The following KIDINS220 variants were observed in gnomAD, a reference collection of about 807,000 sequenced individuals.
KIDINS220 encodes kinase D-interacting substrate of 220 kDa.
A neutral mutation model predicts 157.6 loss-of-function variants in KIDINS220; 63 were observed. The ratio of observed to expected loss-of-function variants is 0.40; its 90% CI spans 0.33 to 0.49. The LOEUF is 0.49. Ranked by LOEUF, KIDINS220 falls within the 20% of genes least tolerant of loss-of-function variation. The pLI is 0.66. For missense variants in KIDINS220, 1,772 were observed against 2,171.2 expected (o/e 0.82, Z 3.65); for synonymous variants, 732 against 783.6 (o/e 0.93, Z 1.10).
intron 17 of KIDINS220, among the ~76,000 whole-genome samples, chr2:8,783,515 G>A (rs1671983346): frequency 6.6e-6 from 1 of 152,036 alleles, no homozygotes; most frequent in Non-Finnish European, 1.5e-5. Flanking sequence ...AAGGTATGAA[G>A]ACTGGGAAGA....
chr2:8,772,116 C>CCATG (rs992646414), intron 21 of KIDINS220, among the ~76,000 whole-genome samples: 2 of 152,050 alleles, frequency 1.3e-5, no homozygotes, highest in Non-Finnish European at 2.9e-5. Flanking sequence ...AGCAAATGCA[C>CCATG]CATGCATGCA....
intron 1 of KIDINS220, among the ~76,000 whole-genome samples, chr2:8,833,002 T>C (rs1247933899): frequency 6.6e-6 from 1 of 152,192 alleles, no homozygotes; most frequent in Admixed American, 6.5e-5. Flanking sequence ...GTATTTAGGA[T>C]ATCCATCACC....
At chr2:8,792,937 C>T (rs187490377) in intron 12 of KIDINS220, among the ~76,000 whole-genome samples, 15 of 152,100 alleles carry the variant, frequency 9.9e-5, no homozygotes, top group East Asian at 3.9e-4. Flanking sequence ...ACTCAATGTA[C>T]GAAAAATTAT....
intron 1 of KIDINS220, among the ~76,000 whole-genome samples, chr2:8,833,275 C>T (rs1679915143): frequency 6.6e-6 from 1 of 152,118 alleles, no homozygotes; most frequent in African/African-American, 2.4e-5. Context: ...CAATTACATG[C>T]AATGGGATTA....
At chr2:8,735,699 C>T (rs928415632) in intron 27 of KIDINS220, among the ~76,000 whole-genome samples, 2 of 152,118 alleles carry the variant, frequency 1.3e-5, no homozygotes, top group African/African-American at 4.8e-5. Context: ...TATGAAATAG[C>T]TATGTTTATA....
In KIDINS220 at chr2:8,812,472, A is replaced by C; in HGVS notation, c.427T>G (p.Trp143Gly). The change falls in exon 6 of 30, where the codon TGG becomes GGG. Residue 143 changes from tryptophan (W) to glycine (G), a missense_variant. By Grantham distance (184) the Trp-to-Gly change is radical (BLOSUM62 -2). Coordinates refer to ENST00000256707, the MANE Select transcript of KIDINS220 (RefSeq NM_020738.4). ...TCTGCATGGCCTCTCCCTGCTGCCC[A>C]AATGATTGGGTAAACACTGTACTGC... ...TGLYSVYPII[W>G]AAGRGHADIV... is the part of the protein sequence containing the mutation. The C allele has an allele frequency of 1.3e-6, 2 of 1,596,908 alleles. No individual in the cohort carries two copies. The highest frequency in any genetic ancestry group is 1.7e-6 in the Non-Finnish European group (2 of 1,171,380).
At position 8,731,055 on chromosome 2, in the gene KIDINS220, T is replaced by C; in HGVS notation, c.4981A>G (p.Ser1661Gly). 1.2e-6 allele frequency: 2 copies of C among 1,614,232 alleles called. No individual in the cohort carries two copies. The highest frequency in any genetic ancestry group is 1.7e-6 in the Non-Finnish European group (2 of 1,180,036). The change falls in exon 30 of 30, where the codon AGC (serine) becomes GGC (glycine). Residue 1661 changes from serine to glycine, a missense_variant. By Grantham distance (56) the Ser-to-Gly change is moderately conservative. This residue lies in a region of KIDINS220 where 793 missense variants were observed against 885.5 expected (regional missense o/e 0.90). Transcript: ENST00000256707. The surrounding 1 kb of genome is among the most constrained non-coding windows in gnomAD (Gnocchi z 5.2). ...KSPSECSLIA[S>G]SPEENWPACQ... The stretch of plus-strand genomic sequence containing the variant: ...GCAGGCCAGTTTTCTTCAGGGCTGC[T>C]GGCTATCAAGCTGCATTCGGAAGGG...
chr2:8,819,523 A>T (rs1677591753), intron 2 of KIDINS220, among the ~76,000 whole-genome samples: 1 of 152,170 alleles, frequency 6.6e-6, no homozygotes, highest in Non-Finnish European at 1.5e-5. Flanking sequence ...CAGGAAACAG[A>T]TCGGCAAATA....
chr2:8,818,488 T>C (rs766632417), intron 3 of KIDINS220, among the ~76,000 whole-genome samples: 2 of 152,076 alleles, frequency 1.3e-5, no homozygotes, highest in Non-Finnish European at 2.9e-5. Context: ...CTCATCCATA[T>C]AAAAAAACCA....
At chr2:8,816,306 A>T (rs1316317187) in intron 4 of KIDINS220, among the ~76,000 whole-genome samples, 1 of 152,198 alleles carries the variant, frequency 6.6e-6, no homozygotes, top group African/African-American at 2.4e-5. Flanking sequence ...AAGCCTTTGG[A>T]GCAGGGAGAC....
chr2:8,767,666 G>A (rs1040658445), intron 22 of KIDINS220, among the ~76,000 whole-genome samples: 23 of 152,174 alleles, frequency 1.5e-4, no homozygotes, highest in African/African-American at 5.6e-4. Context: ...AAGCAGGTTA[G>A]TGAGAGCTAC....
intron 28 of KIDINS220, 148 bp from the exon 29 acceptor site, chr2:8,733,828 T>G (rs1380415859): frequency 1.2e-5 from 7 of 585,850 alleles, no homozygotes; most frequent in Non-Finnish European, 2.0e-5. Flanking sequence ...TGAATTTGTT[T>G]TATACATCAG....
intron 11 of KIDINS220, among the ~76,000 whole-genome samples, chr2:8,795,751 T>C (rs1572692856): frequency 6.6e-6 from 1 of 152,194 alleles, no homozygotes; most frequent in African/African-American, 2.4e-5. Context: ...TAGCATATTA[T>C]ATAATTAACA....
chr2:8,777,902 T>A (rs1671187767), intron 20 of KIDINS220, among the ~76,000 whole-genome samples: 1 of 152,166 alleles, frequency 6.6e-6, no homozygotes, highest in Admixed American at 6.5e-5. Flanking sequence ...TGCATCCATA[T>A]CTGTAAAGGG....
intron 4 of KIDINS220, among the ~76,000 whole-genome samples, chr2:8,814,340 C>T (rs1676749470): frequency 1.3e-5 from 2 of 152,086 alleles, no homozygotes; most frequent in South Asian, 4.1e-4. Flanking sequence ...GAAAGAGCTT[C>T]TAATGGATAA....
At chr2:8,825,003 C>A (rs562640316) in intron 2 of KIDINS220, among the ~76,000 whole-genome samples, 2 of 152,196 alleles carry the variant, frequency 1.3e-5, no homozygotes, top group Admixed American at 6.5e-5. Flanking sequence ...GTAAAACGGT[C>A]ACTGCCAGGG....
chr2:8,807,589 T>C (rs899914220), intron 6 of KIDINS220, among the ~76,000 whole-genome samples: 16 of 152,208 alleles, frequency 1.1e-4, no homozygotes, highest in African/African-American at 3.9e-4. Context: ...TGCTAGTGGC[T>C]ACTGTACTGA....
intron 28 of KIDINS220, 80 bp downstream of exon 28, chr2:8,734,575 G>A: frequency 9.5e-7 from 1 of 1,047,226 alleles, no homozygotes; most frequent in East Asian, 2.6e-5. Flanking sequence ...ATTGATACTG[G>A]TTTTCTACAA....
chr2:8,814,834 CT>C (rs1676825114), intron 4 of KIDINS220, among the ~76,000 whole-genome samples: 1 of 152,140 alleles, frequency 6.6e-6, no homozygotes, highest in South Asian at 2.1e-4. Context: ...CACGTTCCCC[CT>C]AGGGGGTACA....
Sources: gnomAD v4.1 joint callset for allele counts (sites outside exome capture counted in the v4.1 genomes callset) on GRCh38, gnomAD v4.1.1 for gene constraint, gnomAD v4.1.1 regional missense constraint, Gnocchi (gnomAD v3.1) non-coding constraint, MANE v1.5 for transcripts, NCBI Gene and HGNC (gene_info 2026-07-23, HGNC 2026-07-21) for gene names.